Variants in CCDC22 observed in about 807,000 individuals in gnomAD.
CCDC22 encodes CCC complex scaffolding subunit CCDC22.
A neutral mutation model predicts 53.1 loss-of-function variants in CCDC22; 4 were observed. That is an observed-to-expected ratio of 0.08 (90% CI 0.04 to 0.17). The LOEUF (loss-of-function observed/expected upper bound fraction) is 0.17. Ranked by LOEUF, CCDC22 falls within the 10% of genes least tolerant of loss-of-function variation. CCDC22 has a pLI of 1.00. For synonymous variants in CCDC22, 222 were observed against 224.4 expected (o/e 0.99, Z 0.10); for missense variants, 458 against 554.0 (o/e 0.83, Z 1.74).
At chrX:49,235,861 A>ACG (rs1557112642) in intron 1 of CCDC22, among the ~76,000 whole-genome samples, 175 bp downstream of exon 1, 45 of 105,740 alleles carry the variant, frequency 4.3e-4, no homozygotes, top group African/African-American at 1.5e-3. Context: ...ACACACACAC[A>ACG]CACGCACACA....
intron 2 of CCDC22, among the ~76,000 whole-genome samples, chrX:49,240,253 CAAAAA>C (rs59389390): frequency 9.1e-5 from 5 of 54,728 alleles, no homozygotes; most frequent in Non-Finnish European, 1.2e-4. Context: ...ACCCCATCTC[CAAAAA>C]AAAAAAAAAA....
At chrX:49,247,017 G>A (rs782561923) in intron 7 of CCDC22, 92 bp downstream of exon 7, 5 of 804,136 alleles carry the variant, frequency 6.2e-6, no homozygotes, top group Non-Finnish European at 9.0e-6. Context: ...TATCCACACA[G>A]GTTCCTGTGT....
intron 3 of CCDC22, 197 bp downstream of exon 3, chrX:49,242,345 C>T (rs1317625326): frequency 1.3e-6 from 1 of 747,416 alleles, no homozygotes; most frequent in African/African-American, 2.3e-5. Context: ...TGAGGTTGAG[C>T]TGACCCCGGT....
At chrX:49,238,075 C>CTTTTTTTTTTTT (rs58787414) in intron 2 of CCDC22, among the ~76,000 whole-genome samples, 1 of 84,377 alleles carries the variant, frequency 1.2e-5, no homozygotes, top group Non-Finnish European at 2.3e-5. Flanking sequence ...TTCTTTTTTT[C>CTTTTTTTTTTTT]TTTTTTTTTT....
chrX:49,249,615 G>GGGGGGA, intron 15 of CCDC22, 36 bp from the exon 16 acceptor site: 1 of 406,822 alleles, frequency 2.5e-6, no homozygotes, highest in Non-Finnish European at 4.5e-6. Context: ...GGGTGGGTGG[G>GGGGGGA]ACTGGGTGCA....
intron 2 of CCDC22, among the ~76,000 whole-genome samples, chrX:49,238,075 C>CTTTTTTTTTTTTTTTTTTT (rs58787414): frequency 1.2e-5 from 1 of 84,377 alleles, no homozygotes. Flanking sequence ...TTCTTTTTTT[C>CTTTTTTTTTTTTTTTTTTT]TTTTTTTTTT....
intron 13 of CCDC22, 112 bp downstream of exon 13, chrX:49,249,036 A>C (rs1237112159): frequency 8.9e-7 from 1 of 1,123,747 alleles, no homozygotes; most frequent in Non-Finnish European, 1.2e-6. Context: ...CTAACACAGA[A>C]TAGTCACACA....
At chrX:49,249,298 G>C (rs1458755322) in intron 14 of CCDC22, 36 bp downstream of exon 14, 2 of 1,077,749 alleles carry the variant, frequency 1.9e-6, no homozygotes, top group African/African-American at 3.7e-5. Flanking sequence ...AGTGGGGTGA[G>C]GCTGGGCTGC....
intron 2 of CCDC22, among the ~76,000 whole-genome samples, chrX:49,238,883 T>C (rs1435634862): frequency 8.9e-6 from 1 of 112,432 alleles, no homozygotes; most frequent in Non-Finnish European, 1.9e-5. Flanking sequence ...GCCATTCTGA[T>C]GAAACACTCA....
intron 13 of CCDC22, 51 bp from the exon 14 acceptor site, chrX:49,249,114 TGC>T: frequency 8.7e-7 from 1 of 1,155,916 alleles, no homozygotes; most frequent in Non-Finnish European, 1.2e-6. Flanking sequence ...GACCCTCCAC[TGC>T]TAGCCAGCCT....
In CCDC22 at chrX:49,237,126, A is replaced by G; in HGVS notation, c.91A>G (p.Thr31Ala). ...PDVQTLRAFT[T>A]ELVVEAVVRC... is the part of the protein sequence containing the mutation. ...TGTGCAGACCTTGCGCGCCTTCACC[A>G]CTGAGCTGGTTGTAGAGGCTGTGGT... Residue 31 changes from threonine to alanine, a missense_variant, in exon 2 of 17, where the codon ACT (threonine) becomes GCT (alanine). Physicochemically the swap from Thr to Ala is moderately conservative, Grantham distance 58. Transcript: ENST00000376227. 8.3e-7 allele frequency: 1 copy of G among 1,211,465 alleles called. No individual in the cohort carries two copies. The highest frequency in any genetic ancestry group is 1.1e-6 in the Non-Finnish European group (1 of 895,307).
At chrX:49,242,270 C>T (rs2065967469) in intron 3 of CCDC22, 122 bp downstream of exon 3, 2 of 1,111,636 alleles carry the variant, frequency 1.8e-6, no homozygotes, top group Middle Eastern at 6.5e-4. Context: ...CGGTATGTGC[C>T]TTCAGGAGAG....
rs782522179 is a variant in CCDC22, at chrX:49,237,240, A to T, written c.205A>T (p.Met69Leu). ...LAMSARFRLA[M>L]SLAQACMDLG... ...CATGTCTGCCCGGTTCCGCCTGGCC[A>T]TGAGCCTGGCTCAGGCCTGCATGGT... Residue 69 changes from methionine to leucine, a missense_variant, in exon 2 of 17, where the codon ATG (methionine) becomes TTG (leucine). By Grantham distance (15) the Met-to-Leu change is conservative. This residue lies in a region of CCDC22 where 55 missense variants were observed against 106.0 expected (regional missense o/e 0.52). Transcript: ENST00000376227. 8.3e-7 allele frequency: 1 copy of T among 1,208,930 alleles called. No homozygotes were observed. The highest frequency in any genetic ancestry group is 1.1e-6 in the Non-Finnish European group (1 of 893,543).
Position 49,250,293 on chromosome X carries a change from C to G in CCDC22, c.*32C>G. The G allele has an allele frequency of 1.2e-6, 1 of 846,361 alleles. No individual in the cohort carries two copies. The highest frequency in any genetic ancestry group is 1.7e-6 in the Non-Finnish European group (1 of 580,720). 69.7% of individuals were successfully genotyped at this position (846,361 alleles called of 1,213,427 possible). On this transcript the variant is annotated 3_prime_UTR_variant, in exon 17 of 17. Coordinates refer to ENST00000376227, the MANE Select transcript of CCDC22 (RefSeq NM_014008.5). ...GCCGGCAGAGGTCTCTCCCCAGCCT[C>G]AGGCAGGGATTTGGGGTGCTGGAGG...
rs1602670364 is a variant in CCDC22, at chrX:49,242,944, G to A, written c.420G>A (p.Leu140=). 1 of 1,169,898 alleles carries A rather than the reference G, an allele frequency of 8.5e-7. No homozygotes were observed. Among genetic ancestry groups the A allele is most frequent in the South Asian group, 2.0e-5 (1 of 50,453 alleles). ...IGSQIRDQLA[L]PWVPPHLRTP... ...GCCAAATTCGGGACCAGCTGGCACT[G>A]CCTTGGGTCCCGCCCCACCTTCGCA... The change falls in exon 4 of 17, where the codon CTG becomes CTA. Residue 140 remains leucine, a synonymous_variant. Coordinates refer to ENST00000376227, the MANE Select transcript of CCDC22 (RefSeq NM_014008.5).
At chrX:49,246,290 C>G (rs782797013) in intron 6 of CCDC22, among the ~76,000 whole-genome samples, 3 of 112,253 alleles carry the variant, frequency 2.7e-5, no homozygotes, top group Admixed American at 1.9e-4. Flanking sequence ...TATCTTAATA[C>G]CATCCAATAC....
chrX:49,246,075 TC>T lies in CCDC22; in HGVS notation c.715-654del, dbSNP rs782713308. The stretch of plus-strand genomic sequence containing the variant: ...ATGTCGCTTCACTGCAACCTCCACT[TC>T]CTGGGTTCAAGCCATTCTCCTGCCT... On this transcript the variant is annotated intron_variant, in intron 6 of 16. Transcript: ENST00000376227. 2.7e-5 allele frequency among the ~76,000 whole-genome samples: 3 copies of T among 110,838 alleles called. No individual in the cohort carries two copies. In the South Asian group the frequency reaches 1.1e-3, roughly 42 times the overall value.
Position 49,242,164 on chromosome X carries a change from G to A in CCDC22, c.361+16G>A, listed in dbSNP as rs1261229707. The A allele has an allele frequency of 8.3e-7, 1 of 1,210,420 alleles. No homozygotes were observed. Among genetic ancestry groups the A allele is most frequent in the African/African-American group, 1.7e-5 (1 of 57,720 alleles). On this transcript the variant is annotated intron_variant, in intron 3 of 16. Transcript: ENST00000376227. ...CAGCCTGCAGGTACTGGGTGTCTGG[G>A]GTGTGGGCGGGGGCGGTGAGGGGAG...
chrX:49,249,110 C>G (rs1390336513), intron 13 of CCDC22, 57 bp from the exon 14 acceptor site: 8 of 1,135,384 alleles, frequency 7.0e-6, no homozygotes, highest in African/African-American at 1.8e-5. Context: ...TGAGGACCCT[C>G]CACTGCTAGC....
Sources: allele counts gnomAD v4.1 joint callset (sites outside exome capture counted in the v4.1 genomes callset), GRCh38; gene constraint gnomAD v4.1.1; regional missense constraint gnomAD v4.1.1; transcripts MANE v1.5; gene names NCBI Gene and HGNC (gene_info 2026-07-23, HGNC 2026-07-21).